Variants in WDFY3 observed in about 807,000 individuals in gnomAD.
The protein encoded by WDFY3 is WD repeat and FYVE domain-containing protein 3.
A neutral mutation model predicts 409.6 loss-of-function variants in WDFY3; 66 were observed. The ratio of observed to expected loss-of-function variants is 0.16; its 90% CI spans 0.13 to 0.20. The LOEUF is 0.20. Among genes scored for constraint, WDFY3 ranks in the 10% least tolerant of loss-of-function variants. WDFY3 has a pLI of 1.00. For missense variants in WDFY3, 3,031 were observed against 4,298.1 expected (o/e 0.71, Z 8.24); for synonymous variants, 1,521 against 1,537.1 (o/e 0.99, Z 0.25).
At chr4:84,751,128 C>T (rs755340373) in intron 36 of WDFY3, 31 of 307,014 alleles carry the variant, frequency 1.0e-4, no homozygotes, top group East Asian at 4.6e-4. Context: ...CATTCTCTTA[C>T]GTATTGTCCA....
At chr4:84,916,054 TA>T (rs1768440924) in intron 2 of WDFY3, among the ~76,000 whole-genome samples, 1 of 152,202 alleles carries the variant, frequency 6.6e-6, no homozygotes, top group Non-Finnish European at 1.5e-5. Context: ...GTATTAATCA[TA>T]AAAATATCAT....
intron 58 of WDFY3, 111 bp downstream of exon 58, chr4:84,695,859 G>A: frequency 1.0e-6 from 1 of 1,002,868 alleles, no homozygotes; most frequent in South Asian, 1.7e-5. Context: ...TGATATTTAT[G>A]GCTCTTTATT....
chr4:84,887,727 A>T (rs1179037837), intron 3 of WDFY3, among the ~76,000 whole-genome samples: 3 of 152,248 alleles, frequency 2.0e-5, no homozygotes, highest in African/African-American at 7.2e-5. Flanking sequence ...AACTAGCATT[A>T]GCTAAAATTT....
intron 21 of WDFY3, among the ~76,000 whole-genome samples, chr4:84,792,270 T>C (rs1221909267): frequency 2.0e-5 from 3 of 152,204 alleles, no homozygotes; most frequent in African/African-American, 4.8e-5. Context: ...ATGAGGTGAC[T>C]TGATATAGGA....
In WDFY3 at chr4:84,740,351, C is replaced by G; in HGVS notation, c.6300G>C (p.Leu2100Phe). 1 of 1,614,070 alleles carries G rather than the reference C, an allele frequency of 6.2e-7. No individual in the cohort carries two copies. The highest frequency in any genetic ancestry group is 8.5e-7 in the Non-Finnish European group (1 of 1,180,014). Residue 2100 changes from leucine (L) to phenylalanine (F), a missense_variant, in exon 39 of 68, where the codon TTG becomes TTC. This residue lies in a region of WDFY3 where 314 missense variants were observed against 397.4 expected (regional missense o/e 0.79). Coordinates refer to ENST00000295888, the MANE Select transcript of WDFY3 (RefSeq NM_014991.6). ...TTTTGTGTGCCCGTGAGAACTGGTA[C>G]AAGATGGTCCTATTGAGGCAATGAT... ...AVYHCLNRTI[L>F]YQFSRAHKTV...
intron 34 of WDFY3, 82 bp from the exon 35 acceptor site, chr4:84,753,958 A>G: frequency 7.3e-7 from 1 of 1,371,950 alleles, no homozygotes; most frequent in Non-Finnish European, 9.5e-7. Context: ...ATTACTCAGT[A>G]TTCTTATGAA....
intron 61 of WDFY3, among the ~76,000 whole-genome samples, chr4:84,689,005 T>C (rs1313017513): frequency 1.3e-5 from 2 of 152,226 alleles, no homozygotes; most frequent in Non-Finnish European, 2.9e-5. Flanking sequence ...CCTAAGTACT[T>C]AGAATGGGCC....
intron 40 of WDFY3, among the ~76,000 whole-genome samples, chr4:84,737,597 G>A (rs1470615427): frequency 6.6e-6 from 1 of 151,680 alleles, no homozygotes; most frequent in East Asian, 1.9e-4. Flanking sequence ...TCATACAAAA[G>A]AACATTTTTA....
chr4:84,914,761 C>A (rs1008707297), intron 2 of WDFY3, among the ~76,000 whole-genome samples: 1 of 152,138 alleles, frequency 6.6e-6, no homozygotes, highest in Non-Finnish European at 1.5e-5. Flanking sequence ...GGTGCAGCCA[C>A]TGTGGAAAGC....
At chr4:84,741,969 C>A in intron 37 of WDFY3, 48 bp from the exon 38 acceptor site, 1 of 1,499,568 alleles carries the variant, frequency 6.7e-7, no homozygotes, top group Non-Finnish European at 9.0e-7. Flanking sequence ...TATCTACCAA[C>A]ACAGGACCAG....
At chr4:84,778,750 T>A (rs547802596) in intron 26 of WDFY3, 95 bp from the exon 27 acceptor site, 15 of 1,239,764 alleles carry the variant, frequency 1.2e-5, no homozygotes, top group South Asian at 1.0e-4. Flanking sequence ...AACACACACA[T>A]ACACACACAA....
chr4:84,690,358 A>C, intron 61 of WDFY3, 148 bp downstream of exon 61: 1 of 1,164,266 alleles, frequency 8.6e-7, no homozygotes, highest in Non-Finnish European at 1.2e-6. Context: ...TTTTTTTCAA[A>C]AAAGTATTTC....
At position 84,787,537 on chromosome 4, in the gene WDFY3, G is replaced by C; in HGVS notation, c.3846C>G (p.Thr1282=). The part of the protein sequence containing the change: ...EEVLPSSNVT[T]IYELGPNYVG... Reference sequence around the variant, plus strand: ...CATAATTTGGTCCAAGTTCATAAATGGTAGTAACATTTGAAGAAGGTAAAA... The same window carrying C: ...CATAATTTGGTCCAAGTTCATAAATCGTAGTAACATTTGAAGAAGGTAAAA... The change falls in exon 23 of 68, where the codon ACC becomes ACG. Residue 1282 remains threonine, a synonymous_variant. Transcript: ENST00000295888. The C allele has an allele frequency of 6.2e-7, 1 of 1,614,144 alleles. No individual in the cohort carries two copies. Among genetic ancestry groups the C allele is most frequent in the Non-Finnish European group, 8.5e-7 (1 of 1,180,014 alleles).
At chr4:84,941,270 G>A (rs992714387) in intron 1 of WDFY3, among the ~76,000 whole-genome samples, 1 of 151,942 alleles carries the variant, frequency 6.6e-6, no homozygotes, top group Admixed American at 6.6e-5. Context: ...AAGGGAACTT[G>A]GCAAGACTGC....
intron 10 of WDFY3, 80 bp from the exon 11 acceptor site, chr4:84,821,631 A>G: frequency 8.7e-7 from 1 of 1,155,134 alleles, no homozygotes; most frequent in Non-Finnish European, 1.2e-6. Flanking sequence ...TAAACACATC[A>G]TGAATTATAA....
intron 15 of WDFY3, among the ~76,000 whole-genome samples, chr4:84,805,046 G>T (rs1458705663): frequency 6.6e-6 from 1 of 152,080 alleles, no homozygotes; most frequent in Non-Finnish European, 1.5e-5. Context: ...TTTCACATCT[G>T]ACCTTATATG....
chr4:84,896,877 CA>C (rs1253287765), intron 3 of WDFY3, 33 bp downstream of exon 3: 1 of 152,090 alleles, frequency 6.6e-6, no homozygotes, highest in South Asian at 2.1e-4. Flanking sequence ...AGATTAAAAA[CA>C]AAAACCCACA....
intron 65 of WDFY3, among the ~76,000 whole-genome samples, chr4:84,678,717 C>G (rs746134004): frequency 1.3e-4 from 20 of 152,140 alleles, no homozygotes; most frequent in Non-Finnish European, 1.8e-4. Context: ...CAAACACCAT[C>G]GTAGGATAGA....
chr4:84,778,003 C>A (rs1339245218), intron 27 of WDFY3, among the ~76,000 whole-genome samples: 4 of 152,104 alleles, frequency 2.6e-5, no homozygotes, highest in African/African-American at 9.6e-5. Flanking sequence ...GTATGTAGGA[C>A]AGCCTGAGCA....
Sources: gnomAD v4.1 joint callset for allele counts (sites outside exome capture counted in the v4.1 genomes callset) on GRCh38, gnomAD v4.1.1 for gene constraint, gnomAD v4.1.1 regional missense constraint, MANE v1.5 for transcripts, NCBI Gene and HGNC (gene_info 2026-07-23, HGNC 2026-07-21) for gene names.